Variants in MMACHC observed in about 807,000 individuals in gnomAD.
MMACHC encodes metabolism of cobalamin associated C.
In MMACHC, 14 loss-of-function variants were observed where a neutral mutation model predicts 17.6. The observed-to-expected ratio is 0.80, with a 90% CI of 0.53 to 1.25. The LOEUF (loss-of-function observed/expected upper bound fraction) is 1.25. MMACHC is among the 50% of genes most tolerant of loss of function. The probability of loss-of-function intolerance (pLI) is 0.00; values close to 1 mark genes in which losing one functional copy is unlikely to be tolerated. For synonymous variants in MMACHC, 151 were observed against 142.1 expected (o/e 1.06, Z -0.45); for missense variants, 392 against 364.5 (o/e 1.08, Z -0.62).
At chr1:45,501,431 A>C (rs72898313) in intron 1 of MMACHC, among the ~76,000 whole-genome samples, 10,412 of 152,116 alleles carry the variant, frequency 0.068, 1,178 homozygotes, top group African/African-American at 0.23. Flanking sequence ...GAGGATATAG[A>C]GGGAGAAGTA....
intron 1 of MMACHC, among the ~76,000 whole-genome samples, chr1:45,504,308 C>T (rs1051931685): frequency 2.0e-5 from 3 of 151,930 alleles, no homozygotes; most frequent in South Asian, 2.1e-4. Flanking sequence ...CCCAGCTCCT[C>T]GGGAGGCTGA....
intron 1 of MMACHC, among the ~76,000 whole-genome samples, chr1:45,503,313 G>A (rs1643572569): frequency 2.0e-5 from 3 of 151,918 alleles, no homozygotes; most frequent in African/African-American, 4.8e-5. Context: ...CAGGAGAATC[G>A]CTTGAGCCCA....
chr1:45,505,744 AT>A (rs1643610789), intron 1 of MMACHC, among the ~76,000 whole-genome samples: 1 of 151,962 alleles, frequency 6.6e-6, no homozygotes, highest in Non-Finnish European at 1.5e-5. Context: ...TCTACTAAAA[AT>A]ACAAAAATTA....
rs556977618 is a variant in MMACHC, at chr1:45,507,550, G to A, written c.276G>A (p.Glu92=). The change falls in exon 2 of 4, where the codon GAG becomes GAA. Residue 92 remains glutamate (E), a splice_region_variant and synonymous_variant. Coordinates refer to ENST00000401061, the MANE Select transcript of MMACHC (RefSeq NM_015506.3). ...CCTACCATCTGGGCCGTGTTAGAGA[G>A]GTGAGGAAGGCTCAGTTTTCCCCCA... is the stretch of plus-strand genomic sequence containing the variant. The part of the protein sequence containing the change: ...CVAYHLGRVR[E]SLPELQIEII... The A allele has an allele frequency of 2.5e-6, 4 of 1,614,052 alleles. No individual in the cohort carries two copies. Among genetic ancestry groups the A allele is most frequent in the Non-Finnish European group, 3.4e-6 (4 of 1,180,046 alleles).
chr1:45,511,215 C>G lies in MMACHC; in HGVS notation c.*2000C>G. 1 of 913,514 alleles carries G rather than the reference C, an allele frequency of 1.1e-6. No homozygotes were observed. The highest frequency in any genetic ancestry group is 1.7e-6 in the Non-Finnish European group (1 of 600,026). 56.6% of individuals were successfully genotyped at this position (913,514 alleles called of 1,614,324 possible). On this transcript the variant is annotated 3_prime_UTR_variant, in exon 4 of 4. Coordinates refer to ENST00000401061, the MANE Select transcript of MMACHC (RefSeq NM_015506.3). ...TAGGAAAGGCCTGCCTTGTAAGACA[C>G]CACAATTCGGCTGAATCTGAAGTCT... is the stretch of plus-strand genomic sequence containing the variant.
Position 45,509,382 on chromosome 1 carries a change from C to T in MMACHC, c.*167C>T. ...AGTTAGGTTTGGCCAAGATAAAGGC[C>T]AGGGAACCAGAATTCCCATCTGCCT... is the stretch of plus-strand genomic sequence containing the variant. On this transcript the variant is annotated 3_prime_UTR_variant, in exon 4 of 4. Transcript: ENST00000401061. The T allele has an allele frequency of 1.4e-6, 1 of 709,972 alleles. No homozygotes were observed. Among genetic ancestry groups the T allele is most frequent in the Non-Finnish European group, 2.2e-6 (1 of 448,178 alleles). The allele number at this position is 709,972 out of a possible 1,614,324, so 44.0% of individuals were successfully genotyped here.
At chr1:45,508,125 C>T in intron 2 of MMACHC, 87 bp from the exon 3 acceptor site, 1 of 1,518,636 alleles carries the variant, frequency 6.6e-7, no homozygotes, top group Admixed American at 1.7e-5. Context: ...ACCATGTTCA[C>T]ACACACAAAA....
chr1:45,508,815 T>C lies in MMACHC; in HGVS notation c.449T>C (p.Ile150Thr), dbSNP rs756413692. 13 of 1,614,090 alleles carry C rather than the reference T, an allele frequency of 8.1e-6. No homozygotes were observed. In the South Asian group the frequency reaches 9.9e-5, roughly 12 times the overall value. Residue 150 changes from isoleucine to threonine, a missense_variant, in exon 4 of 4, where the codon ATA (isoleucine) becomes ACA (threonine). By Grantham distance (89) the Ile-to-Thr change is moderately conservative. Transcript: ENST00000401061. Reference sequence around the variant, plus strand: ...CCCCAGCGCATATCAGGTGTGTGCATACACCCCCGATTTGGGGGCTGGTTT... The same window carrying C: ...CCCCAGCGCATATCAGGTGTGTGCACACACCCCCGATTTGGGGGCTGGTTT... ...WGNQRISGVC[I>T]HPRFGGWFAI...
chr1:45,504,136 G>A (rs1431198893), intron 1 of MMACHC, among the ~76,000 whole-genome samples: 9 of 152,158 alleles, frequency 5.9e-5, no homozygotes, highest in Middle Eastern at 3.2e-3. Flanking sequence ...CTTGCTGGCC[G>A]GGCACGGAGA....
At chr1:45,504,116 A>G (rs929721273) in intron 1 of MMACHC, among the ~76,000 whole-genome samples, 2 of 152,230 alleles carry the variant, frequency 1.3e-5, no homozygotes, top group African/African-American at 2.4e-5. Context: ...GTCAACCTCA[A>G]AAACACAGGC....
rs1643791268 is a variant in MMACHC, at chr1:45,513,310, A to T, written c.*4095A>T. On this transcript the variant is annotated 3_prime_UTR_variant, in exon 4 of 4. Transcript: ENST00000401061. ...ACATTCAGTAAGTTAGATCTTTGGG[A>T]GTGACTGATTCTAAATGAGCAGGAC... 6.6e-6 allele frequency: 1 copy of T among 152,204 alleles called. No homozygotes were observed. Among genetic ancestry groups the T allele is most frequent in the Non-Finnish European group, 1.5e-5 (1 of 68,038 alleles). 9.4% of individuals were successfully genotyped at this position (152,204 alleles called of 1,614,324 possible).
In MMACHC at chr1:45,509,085, C is replaced by CA; in HGVS notation, c.720dup (p.Glu241ArgfsTer4). 1 of 1,612,746 alleles carries CA rather than the reference C, an allele frequency of 6.2e-7. No individual in the cohort carries two copies. The highest frequency in any genetic ancestry group is 8.5e-7 in the Non-Finnish European group (1 of 1,179,318). On this transcript the variant is annotated frameshift_variant, in exon 4 of 4. Coordinates refer to ENST00000401061, the MANE Select transcript of MMACHC (RefSeq NM_015506.3). LOFTEE classifies it low-confidence loss of function (END_TRUNC). The stretch of plus-strand genomic sequence containing the variant: ...GCCCTATTGGGCTTGGCTCAGCCCT[C>CA]AGAGAAGCCTAGTTCTCCCTCCCCG...
rs1643777851 is a variant in MMACHC at position 45,512,714 on chromosome 1, T to G, written c.*3499T>G. Reference sequence around the variant, plus strand: ...ATGTAGGTTCCTAGGAAAGTCCAGTTAAAGGGCCTACTTTGCCACTGCTGC... The same window carrying G: ...ATGTAGGTTCCTAGGAAAGTCCAGTGAAAGGGCCTACTTTGCCACTGCTGC... On this transcript the variant is annotated 3_prime_UTR_variant, in exon 4 of 4. Transcript: ENST00000401061. The G allele has an allele frequency of 6.6e-6, 1 of 152,100 alleles. No individual in the cohort carries two copies. The highest frequency in any genetic ancestry group is 2.4e-5 in the African/African-American group (1 of 41,392). 9.4% of individuals were successfully genotyped at this position (152,100 alleles called of 1,614,324 possible). A position where few individuals can be genotyped will look rare whatever the true frequency, so the allele number is the denominator to read the frequency against.
intron 2 of MMACHC, 117 bp downstream of exon 2, chr1:45,507,667 C>G (rs1643655078): frequency 1.7e-6 from 2 of 1,175,448 alleles, no homozygotes; most frequent in Non-Finnish European, 2.5e-6. Context: ...GAAATGATAC[C>G]CTAAAGCCAG....
At chr1:45,501,145 G>A (rs1268913815) in intron 1 of MMACHC, among the ~76,000 whole-genome samples, 1 of 152,146 alleles carries the variant, frequency 6.6e-6, no homozygotes, top group Non-Finnish European at 1.5e-5. Context: ...ACAATTGGCT[G>A]GTTTGTTCCC....
In MMACHC at chr1:45,507,499, G is replaced by A. The variant is rs760657190; in HGVS notation, c.225G>A (p.Leu75=). The A allele has an allele frequency of 5.0e-5, 80 of 1,614,054 alleles. No homozygotes were observed. Residue 75 remains leucine (L), a synonymous_variant, in exon 2 of 4, where the codon CTG becomes CTA. Transcript: ENST00000401061. ...PFLQSCHLRM[L]TDPVDQCVAY... ...TGCAGAGCTGCCACCTCCGAATGCT[G>A]ACTGACCCAGTGGACCAGTGTGTGG...
At position 45,509,004 on chromosome 1, in the gene MMACHC, A is replaced by G. The variant is rs938459011; in HGVS notation, c.638A>G (p.Glu213Gly). 3 of 1,614,130 alleles carry G rather than the reference A, an allele frequency of 1.9e-6. No individual in the cohort carries two copies. The African/African-American group carries it at 4.0e-5, about 22-fold the overall frequency. Residue 213 changes from glutamate (E) to glycine (G), a missense_variant, in exon 4 of 4, where the codon GAG (glutamate) becomes GGG (glycine). Physicochemically the swap from Glu to Gly is moderately conservative, Grantham distance 98. Coordinates refer to ENST00000401061, the MANE Select transcript of MMACHC (RefSeq NM_015506.3). The part of the protein sequence containing the change: ...WTYRDAVTPQ[E>G]RYSEEQKAYF... Reference sequence around the variant, plus strand: ...TACCGGGATGCTGTGACACCCCAGGAGCGCTACTCAGAAGAGCAGAAGGCC... The same window carrying G: ...TACCGGGATGCTGTGACACCCCAGGGGCGCTACTCAGAAGAGCAGAAGGCC...
At chr1:45,503,589 C>T (rs1643576163) in intron 1 of MMACHC, among the ~76,000 whole-genome samples, 1 of 151,986 alleles carries the variant, frequency 6.6e-6, no homozygotes, top group Non-Finnish European at 1.5e-5. Flanking sequence ...CCTCTCTATT[C>T]TAAGTTCCCT....
intron 1 of MMACHC, 75 bp from the exon 2 acceptor site, chr1:45,507,281 C>T: frequency 7.1e-7 from 1 of 1,415,830 alleles, no homozygotes; most frequent in Non-Finnish European, 9.9e-7. Context: ...AAGTGTGAGG[C>T]CTGAAGGTTA....
Sources: allele counts gnomAD v4.1 joint callset (sites outside exome capture counted in the v4.1 genomes callset), GRCh38; gene constraint gnomAD v4.1.1; transcripts MANE v1.5; gene names NCBI Gene and HGNC (gene_info 2026-07-23, HGNC 2026-07-21).